Variants in RHOQ observed in about 807,000 individuals in gnomAD.
The protein encoded by RHOQ is ras homolog family member Q.
RHOQ carries 7 observed loss-of-function variants against 25.8 expected under a neutral mutation model. The ratio of observed to expected loss-of-function variants is 0.27; its 90% CI spans 0.15 to 0.51. The LOEUF is 0.51. Ranked by LOEUF, RHOQ falls within the 20% of genes least tolerant of loss-of-function variation. The pLI is 0.97. For synonymous variants in RHOQ, 97 were observed against 98.6 expected (o/e 0.98, Z 0.10); for missense variants, 165 against 260.6 (o/e 0.63, Z 2.53).
chr2:46,553,680 A>G (rs1668314649), intron 2 of RHOQ, among the ~76,000 whole-genome samples: 1 of 152,030 alleles, frequency 6.6e-6, no homozygotes, highest in Non-Finnish European at 1.5e-5. Flanking sequence ...CCTGGGTTCA[A>G]GCAATTCTCC....
At chr2:46,543,699 C>A in intron 1 of RHOQ, 55 bp from the exon 2 acceptor site, 1 of 1,550,298 alleles carries the variant, frequency 6.5e-7, no homozygotes, top group Non-Finnish European at 8.9e-7. Context: ...CGAAATTGCC[C>A]CAGAGCCCAG....
chr2:46,568,238 A>G (rs1668796150), intron 2 of RHOQ: 1 of 152,274 alleles, frequency 6.6e-6, no homozygotes, highest in South Asian at 2.1e-4. Flanking sequence ...GGCTGAAGAA[A>G]GAGACTGACA....
rs1216722619 is a variant in RHOQ, at chr2:46,548,195, C to T, written c.201+4383C>T. Among the ~76,000 whole-genome samples the T allele has an allele frequency of 1.3e-5, 2 of 152,170 alleles. No homozygotes were observed. Among genetic ancestry groups the T allele is most frequent in the Non-Finnish European group, 2.9e-5 (2 of 68,020 alleles). ...ATAAATATCTTTTACTCTGGTGTCC[C>T]TTGGTGTTGCTTTTTCAATGACAAG... On this transcript the variant is annotated intron_variant, in intron 2 of 4. Coordinates refer to ENST00000238738, the MANE Select transcript of RHOQ (RefSeq NM_012249.4). This position sits in a 1 kb window ranked among gnomAD's most constrained non-coding sequence, Gnocchi z 5.2.
rs1484322285 is a variant in RHOQ at position 46,556,318 on chromosome 2, T to C, written c.201+12506T>C. Among the ~76,000 whole-genome samples, 1 of 152,162 alleles carries C rather than the reference T, an allele frequency of 6.6e-6. No individual in the cohort carries two copies. The highest frequency in any genetic ancestry group is 6.5e-5 in the Admixed American group (1 of 15,274). On this transcript the variant is annotated intron_variant, in intron 2 of 4. Coordinates refer to ENST00000238738, the MANE Select transcript of RHOQ (RefSeq NM_012249.4). The surrounding 1 kb of genome is among the most constrained non-coding windows in gnomAD (Gnocchi z 4.9). ...CCGCTCTTTTTCAGTTGTTCTTCCA[T>C]GGCCATTCTTTCCCGGGCTCTGGGG...
At chr2:46,572,688 T>A (rs1165994849) in intron 2 of RHOQ, 2 of 434,692 alleles carry the variant, frequency 4.6e-6, no homozygotes, top group Non-Finnish European at 4.6e-6. Flanking sequence ...ATACCTACAT[T>A]TTAAAATTAG....
At chr2:46,549,176 G>A (rs773704428) in intron 2 of RHOQ, among the ~76,000 whole-genome samples, 13 of 152,072 alleles carry the variant, frequency 8.5e-5, no homozygotes, top group East Asian at 1.9e-4. Context: ...CAGCTTCCCC[G>A]CAGGTATCTC....
At chr2:46,547,159 G>A (rs1194692082) in intron 2 of RHOQ, among the ~76,000 whole-genome samples, 1 of 152,218 alleles carries the variant, frequency 6.6e-6, no homozygotes, top group African/African-American at 2.4e-5. Flanking sequence ...GCAGCTCATG[G>A]CACTACAGGT....
intron 2 of RHOQ, among the ~76,000 whole-genome samples, chr2:46,546,350 T>A (rs1023587563): frequency 6.6e-6 from 1 of 150,450 alleles, no homozygotes; most frequent in African/African-American, 2.5e-5. Flanking sequence ...ATATCAGATT[T>A]GTCTTACAAT....
chr2:46,576,014 G>A lies in RHOQ; in HGVS notation c.202-73G>A. 7.7e-7 allele frequency: 1 copy of A among 1,297,016 alleles called. No homozygotes were observed. Among genetic ancestry groups the A allele is most frequent in the Non-Finnish European group, 1.0e-6 (1 of 963,680 alleles). 80.3% of individuals were successfully genotyped at this position (1,297,016 alleles called of 1,614,324 possible). ...CTCCTGAATTTGCATCTTTGACCATGTAATCTAATGTACATATTACTAGTA... is the reference window on the plus strand; with the variant it reads ...CTCCTGAATTTGCATCTTTGACCATATAATCTAATGTACATATTACTAGTA... On this transcript the variant is annotated intron_variant, in intron 2 of 4. Transcript: ENST00000238738. This position sits in a 1 kb window ranked among gnomAD's most constrained non-coding sequence, Gnocchi z 5.1.
chr2:46,543,205 C>T lies in RHOQ; in HGVS notation c.142+17C>T, dbSNP rs1363886675. ...ACTACGCAGGTAAGCCTCGGAACTG[C>T]TGACTAAGGGGCCGCTCCCCGGGCC... On this transcript the variant is annotated intron_variant, in intron 1 of 4. Coordinates refer to ENST00000238738, the MANE Select transcript of RHOQ (RefSeq NM_012249.4). The T allele has an allele frequency of 1.2e-6, 2 of 1,610,876 alleles. No individual in the cohort carries two copies. Among genetic ancestry groups the T allele is most frequent in the African/African-American group, 1.3e-5 (1 of 74,798 alleles).
intron 2 of RHOQ, among the ~76,000 whole-genome samples, chr2:46,567,680 C>G (rs540355650): frequency 6.6e-6 from 1 of 152,276 alleles, no homozygotes; most frequent in African/African-American, 2.4e-5. Context: ...GCATAAGCCA[C>G]TGCACCCAGC....
At chr2:46,550,706 G>A (rs956227381) in intron 2 of RHOQ, among the ~76,000 whole-genome samples, 1 of 152,222 alleles carries the variant, frequency 6.6e-6, no homozygotes, top group Non-Finnish European at 1.5e-5. Flanking sequence ...GAAGTGTGGA[G>A]ATAATTTATA....
intron 2 of RHOQ, chr2:46,560,666 C>T (rs1292198336): frequency 2.2e-6 from 1 of 455,770 alleles, no homozygotes; most frequent in South Asian, 1.5e-5. Context: ...GCTCCAGCAT[C>T]CGCTGTCTTA....
chr2:46,564,559 G>A (rs1485141466), intron 2 of RHOQ, among the ~76,000 whole-genome samples: 2 of 152,138 alleles, frequency 1.3e-5, no homozygotes, highest in Non-Finnish European at 2.9e-5. Flanking sequence ...CAGCAGAGTG[G>A]GGCTCAAGTA....
Position 46,581,477 on chromosome 2 carries a change from G to A in RHOQ, c.*394G>A, listed in dbSNP as rs375902379. On this transcript the variant is annotated 3_prime_UTR_variant, in exon 5 of 5. Transcript: ENST00000238738. Reference sequence around the variant, plus strand: ...CAAAGAAATATCTCCCTTTGCTCCAGTTAATTGTTCTTGTATGTAAGTTGC... The same window carrying A: ...CAAAGAAATATCTCCCTTTGCTCCAATTAATTGTTCTTGTATGTAAGTTGC... 6.2e-7 allele frequency: 1 copy of A among 1,610,420 alleles called. No homozygotes were observed. The highest frequency in any genetic ancestry group is 8.5e-7 in the Non-Finnish European group (1 of 1,178,976).
intron 2 of RHOQ, among the ~76,000 whole-genome samples, chr2:46,558,150 C>T (rs1295674827): frequency 6.6e-6 from 1 of 152,238 alleles, no homozygotes; most frequent in Non-Finnish European, 1.5e-5. Flanking sequence ...ATCCCTCCTG[C>T]ACCTTCTAAC....
At position 46,548,502 on chromosome 2, in the gene RHOQ, G is replaced by A. The variant is rs1368073806; in HGVS notation, c.201+4690G>A. On this transcript the variant is annotated intron_variant, in intron 2 of 4. Transcript: ENST00000238738. The surrounding 1 kb of genome is among the most constrained non-coding windows in gnomAD (Gnocchi z 5.2). ...TCCCAGATGAGGAAATTGGGAACAA[G>A]TGGGCTTATGGGAACCAGACAGAGA... 5.3e-5 allele frequency among the ~76,000 whole-genome samples: 8 copies of A among 152,366 alleles called. No individual in the cohort carries two copies. The East Asian group carries it at 1.5e-3, about 29-fold the overall frequency.
rs990322566 is a variant in RHOQ, at chr2:46,583,579, T to C, written c.*2496T>C. On this transcript the variant is annotated 3_prime_UTR_variant, in exon 5 of 5. Transcript: ENST00000238738. Reference sequence around the variant, plus strand: ...GAGCTTTTTAATTGCTTTGGTTCTTTAGTTTTTCTTTTTGCAAAAATCCTT... The same window carrying C: ...GAGCTTTTTAATTGCTTTGGTTCTTCAGTTTTTCTTTTTGCAAAAATCCTT... Among the ~76,000 whole-genome samples the C allele has an allele frequency of 6.6e-6, 1 of 152,190 alleles. No individual in the cohort carries two copies. The highest frequency in any genetic ancestry group is 2.4e-5 in the African/African-American group (1 of 41,460).
intron 2 of RHOQ, among the ~76,000 whole-genome samples, chr2:46,545,489 A>G (rs926945652): frequency 4.6e-5 from 7 of 152,208 alleles, no homozygotes; most frequent in African/African-American, 1.7e-4. Flanking sequence ...TTTTTCCTAC[A>G]TATGGGGCCA....
Sources: gnomAD v4.1 joint callset for allele counts (sites outside exome capture counted in the v4.1 genomes callset) on GRCh38, gnomAD v4.1.1 for gene constraint, Gnocchi (gnomAD v3.1) non-coding constraint, MANE v1.5 for transcripts, NCBI Gene and HGNC (gene_info 2026-07-23, HGNC 2026-07-21) for gene names.